ARFGAP3: variants seen among roughly 807,000 people sequenced by gnomAD.
ARFGAP3 encodes the protein ADP-ribosylation factor GTPase-activating protein 3.
In ARFGAP3, 72 loss-of-function variants were observed where a neutral mutation model predicts 75.0. The observed-to-expected ratio is 0.96, with a 90% CI of 0.79 to 1.17. The LOEUF (loss-of-function observed/expected upper bound fraction) is 1.17, where lower values mean the gene tolerates loss of function less well. Among genes scored for constraint, ARFGAP3 ranks in the 50% most tolerant of loss-of-function variants. The pLI is 0.00. For missense variants in ARFGAP3, 620 were observed against 626.6 expected, an observed-to-expected ratio of 0.99 and a Z score of 0.11; for synonymous variants, 221 against 217.9, an observed-to-expected ratio of 1.01 and a Z score of -0.13.
At chr22:42,849,341 C>A (rs1255121989) in intron 1 of ARFGAP3, among the ~76,000 whole-genome samples, 3 of 152,236 alleles carry the variant, frequency 2.0e-5, no homozygotes, top group Non-Finnish European at 4.4e-5. Flanking sequence ...ACCTCCACTG[C>A]CTCACTCTGT....
intron 12 of ARFGAP3, 146 bp from the exon 13 acceptor site, chr22:42,809,036 T>TAA (rs759802872): frequency 1.4e-5 from 13 of 936,656 alleles, no homozygotes; most frequent in Non-Finnish European, 1.7e-5. Context: ...AAATTCTAAT[T>TAA]AAAAAAAAAA....
At chr22:42,824,498 A>G (rs1925953695) in intron 7 of ARFGAP3, among the ~76,000 whole-genome samples, 2 of 149,016 alleles carry the variant, frequency 1.3e-5, no homozygotes, top group Non-Finnish European at 1.5e-5. Context: ...CTGGGACTAC[A>G]GGCATATGCC....
chr22:42,847,779 GT>G (rs1927085005), intron 1 of ARFGAP3, 147 bp from the exon 2 acceptor site: 4 of 902,614 alleles, frequency 4.4e-6, no homozygotes, highest in African/African-American at 1.8e-5. Flanking sequence ...TCTCACCTAG[GT>G]TTTTTTAAAA....
At chr22:42,810,003 TAAAAA>T (rs35072147) in intron 12 of ARFGAP3, among the ~76,000 whole-genome samples, 3 of 102,168 alleles carry the variant, frequency 2.9e-5, no homozygotes, top group African/African-American at 4.1e-5. Flanking sequence ...GACTCCATCT[TAAAAA>T]AAAAAAAAAA....
chr22:42,850,520 C>T (rs1008081295), intron 1 of ARFGAP3, among the ~76,000 whole-genome samples: 7 of 127,846 alleles, frequency 5.5e-5, no homozygotes, highest in Non-Finnish European at 7.8e-5. Flanking sequence ...ATGCAATGAG[C>T]GGAGACCACT....
chr22:42,826,549 T>G (rs1046159464), intron 7 of ARFGAP3, among the ~76,000 whole-genome samples: 2 of 151,320 alleles, frequency 1.3e-5, no homozygotes, highest in African/African-American at 4.9e-5. Flanking sequence ...TCAGGTAATT[T>G]TTGTTGTTGT....
chr22:42,849,706 G>A (rs1474859611), intron 1 of ARFGAP3, among the ~76,000 whole-genome samples: 1 of 151,870 alleles, frequency 6.6e-6, no homozygotes, highest in Admixed American at 6.6e-5. Context: ...TAGGACAAGT[G>A]TATGCCACCG....
chr22:42,832,984 C>CT (rs59171509), intron 5 of ARFGAP3, among the ~76,000 whole-genome samples: 432 of 145,418 alleles, frequency 3.0e-3, no homozygotes, highest in Non-Finnish European at 5.1e-3. Context: ...AAAACTCCGT[C>CT]TTTAAAAAAA....
intron 15 of ARFGAP3, chr22:42,797,807 C>T: frequency 1.1e-6 from 1 of 923,258 alleles, no homozygotes; most frequent in Non-Finnish European, 1.3e-6. Flanking sequence ...GGCTTCAGAA[C>T]CCAACAGGAT....
intron 1 of ARFGAP3, among the ~76,000 whole-genome samples, chr22:42,853,059 C>T (rs923987739): frequency 6.6e-6 from 1 of 152,170 alleles, no homozygotes; most frequent in Non-Finnish European, 1.5e-5. Context: ...CCACCGCGCC[C>T]GGCCTATTTA....
intron 14 of ARFGAP3, among the ~76,000 whole-genome samples, chr22:42,804,892 GAAA>G (rs371613234): frequency 6.6e-6 from 1 of 151,080 alleles, no homozygotes; most frequent in Non-Finnish European, 1.5e-5. Flanking sequence ...CAAAATAAAA[GAAA>G]AAAAAATTTA....
chr22:42,854,425 G>C (rs1352287036), intron 1 of ARFGAP3, among the ~76,000 whole-genome samples: 1 of 152,174 alleles, frequency 6.6e-6, no homozygotes, highest in Non-Finnish European at 1.5e-5. Context: ...AGGAGTTTGA[G>C]ACCAGCCTGG....
rs761158243 is a variant in ARFGAP3, at chr22:42,817,173, T to C, written c.1033A>G (p.Ser345Gly). 1 of 1,613,340 alleles carries C rather than the reference T, an allele frequency of 6.2e-7. No individual in the cohort carries two copies. Among genetic ancestry groups the C allele is most frequent in the South Asian group, 1.1e-5 (1 of 91,054 alleles). Residue 345 changes from serine to glycine, a missense_variant, in exon 11 of 16, where the codon AGT (serine) becomes GGT (glycine). Ser to Gly is a moderately conservative substitution (Grantham distance 56). Transcript: ENST00000263245. The stretch of plus-strand genomic sequence containing the variant: ...CTGGAAGTAAAATATGAATCGTCAC[T>C]GTCATCATTATACTTTTTTCTTGGT... ...AKPRKKYNDD[S>G]DDSYFTSSSS...
At chr22:42,840,536 C>G (rs1320898446) in intron 3 of ARFGAP3, among the ~76,000 whole-genome samples, 1 of 152,108 alleles carries the variant, frequency 6.6e-6, no homozygotes, top group Non-Finnish European at 1.5e-5. Context: ...CCCGCCTCAG[C>G]CTCCCGAGTA....
At position 42,808,876 on chromosome 22, in the gene ARFGAP3, C is replaced by A. The variant is rs140377812; in HGVS notation, c.1211G>T (p.Arg404Leu). 1.9e-6 allele frequency: 3 copies of A among 1,609,838 alleles called. No homozygotes were observed. The highest frequency in any genetic ancestry group is 1.7e-5 in the Admixed American group (1 of 59,632). ...TGYSDRPTAR[R>L]KPDYEPVENT... The stretch of plus-strand genomic sequence containing the variant: ...TTCAACTGGCTCATAATCTGGCTTG[C>A]GGCGAGCAGTAGGTCTGCAATTAAA... Residue 404 changes from arginine to leucine, a missense_variant, in exon 13 of 16, where the codon CGC (arginine) becomes CTC (leucine). Transcript: ENST00000263245.
chr22:42,831,467 T>C, intron 6 of ARFGAP3, 82 bp downstream of exon 6: 5 of 1,419,270 alleles, frequency 3.5e-6, no homozygotes, highest in Non-Finnish European at 3.9e-6. Context: ...CCACTGTGCC[T>C]GGCCCATCTT....
At chr22:42,849,536 C>T (rs376222836) in intron 1 of ARFGAP3, among the ~76,000 whole-genome samples, 14 of 147,588 alleles carry the variant, frequency 9.5e-5, no homozygotes, top group African/African-American at 2.3e-4. Context: ...TGCAGTGGCA[C>T]GGTCCTAGCT....
Position 42,797,354 on chromosome 22 carries a change from G to C in ARFGAP3, c.*234C>G, listed in dbSNP as rs1294053177. 2 of 594,946 alleles carry C rather than the reference G, an allele frequency of 3.4e-6. No homozygotes were observed. Among genetic ancestry groups the C allele is most frequent in the Non-Finnish European group, 5.9e-6 (2 of 339,094 alleles). The allele number at this position is 594,946 out of a possible 1,614,324, so 36.9% of individuals were successfully genotyped here. ...AGAAAATAAAGCAAGGATATACACA[G>C]AGACGCCAAAGGAGGGTGTGACAGG... is the stretch of plus-strand genomic sequence containing the variant. On this transcript the variant is annotated 3_prime_UTR_variant, in exon 16 of 16. Transcript: ENST00000263245.
chr22:42,854,627 G>GA lies in ARFGAP3; in HGVS notation c.69+2486dup, dbSNP rs550780173. On this transcript the variant is annotated intron_variant, in intron 1 of 15. Transcript: ENST00000263245. ...ACAACAGAGCTAGACTGTCTCAAAA[G>GA]AAAAAAAAAAAGAAAGAAAAAGAAA... is the stretch of plus-strand genomic sequence containing the variant. Among the ~76,000 whole-genome samples the GA allele has an allele frequency of 2.8e-3, 380 of 135,216 alleles. 2 individuals are homozygous for GA. Among genetic ancestry groups the GA allele is most frequent in the African/African-American group, 9.4e-3 (341 of 36,454 alleles). 88.7% of individuals were successfully genotyped at this position (135,216 alleles called of 152,430 possible).
Sources: gnomAD v4.1 joint callset for allele counts (sites outside exome capture counted in the v4.1 genomes callset) on GRCh38, gnomAD v4.1.1 for gene constraint, MANE v1.5 for transcripts, NCBI Gene and HGNC (gene_info 2026-07-23, HGNC 2026-07-21) for gene names.